KIF1B: variants seen among roughly 807,000 people sequenced by gnomAD.
The protein encoded by KIF1B is kinesin family member 1B, also known as kinesin-like protein KIF1B.
In KIF1B, 76 loss-of-function variants were observed where a neutral mutation model predicts 241.9. The ratio of observed to expected loss-of-function variants is 0.31; its 90% CI spans 0.26 to 0.38. The LOEUF (loss-of-function observed/expected upper bound fraction) is 0.38, where lower values mean the gene tolerates loss of function less well. Ranked by LOEUF, KIF1B falls within the 10% of genes least tolerant of loss-of-function variation. The pLI is 1.00. For synonymous variants in KIF1B, 750 were observed against 796.7 expected (o/e 0.94, Z 0.99); for missense variants, 1,622 against 2,271.4 (o/e 0.71, Z 5.81).
In KIF1B at chr1:10,303,224, T is replaced by G. The variant is rs1412047581; in HGVS notation, c.2115+5978T>G. 1.2e-6 allele frequency: 2 copies of G among 1,614,160 alleles called. No individual in the cohort carries two copies. The highest frequency in any genetic ancestry group is 1.7e-6 in the Non-Finnish European group (2 of 1,180,008). The stretch of plus-strand genomic sequence containing the variant: ...AGGTCGTGTGAAGAGAGCTGGAAAC[T>G]GATTACTTCTCTGAGAGAAAAGCTA... On this transcript the variant is annotated intron_variant, in intron 22 of 48. Transcript: ENST00000676179. This position sits in a 1 kb window ranked among gnomAD's most constrained non-coding sequence, Gnocchi z 5.2.
chr1:10,240,490 G>A (rs1647120967), intron 2 of KIF1B, among the ~76,000 whole-genome samples: 1 of 152,146 alleles, frequency 6.6e-6, no homozygotes, highest in Non-Finnish European at 1.5e-5. Context: ...TTAAAGCCAT[G>A]AGCCACCACA....
At chr1:10,351,465 T>C (rs78067395) in intron 37 of KIF1B, among the ~76,000 whole-genome samples, 4,407 of 152,286 alleles carry the variant, frequency 0.029, 66 homozygotes, top group African/African-American at 0.039. Flanking sequence ...CAACCATATA[T>C]GGAAGGAATT....
chr1:10,303,352 T>C lies in KIF1B; in HGVS notation c.2115+6106T>C. 1 of 1,614,146 alleles carries C rather than the reference T, an allele frequency of 6.2e-7. No homozygotes were observed. The highest frequency in any genetic ancestry group is 8.5e-7 in the Non-Finnish European group (1 of 1,180,008). On this transcript the variant is annotated intron_variant, in intron 22 of 48. Transcript: ENST00000676179. The surrounding 1 kb of genome is among the most constrained non-coding windows in gnomAD (Gnocchi z 5.2). ...GTATCAGATACCCCAAAGAAGGCGC[T>C]TGAGTAAAGATTCCAAGTGGGTCAC...
chr1:10,276,885 A>G (rs1241152342), intron 12 of KIF1B, among the ~76,000 whole-genome samples: 1 of 152,226 alleles, frequency 6.6e-6, no homozygotes, highest in Non-Finnish European at 1.5e-5. Context: ...GTTTGAGACC[A>G]GCCTGGCCAA....
intron 10 of KIF1B, among the ~76,000 whole-genome samples, chr1:10,273,695 TTCC>T (rs559421847): frequency 1.6e-4 from 18 of 110,604 alleles, no homozygotes; most frequent in African/African-American, 7.1e-4. Context: ...CCTACTCCCT[TTCC>T]TCCTCCTCCT....
rs144457296 is a variant in KIF1B at position 10,303,601 on chromosome 1, G to A, written c.2115+6355G>A. On this transcript the variant is annotated intron_variant, in intron 22 of 48. Transcript: ENST00000676179. The surrounding 1 kb of genome is among the most constrained non-coding windows in gnomAD (Gnocchi z 5.2). ...TGTTGGGGATGAGAAGATCGAAGAC[G>A]TCATGGCCACTGGGAAAGGCAGCAC... The A allele has an allele frequency of 1.6e-5, 26 of 1,614,168 alleles. No homozygotes were observed. The highest frequency in any genetic ancestry group is 4.4e-5 in the South Asian group (4 of 91,084).
intron 17 of KIF1B, chr1:10,292,337 G>A (rs9662711): frequency 9.4e-6 from 5 of 532,652 alleles, no homozygotes; most frequent in African/African-American, 3.8e-5. Context: ...GTTTACAAAA[G>A]AAAAAACCTA....
chr1:10,231,378 CTTT>C (rs35213507), intron 1 of KIF1B, among the ~76,000 whole-genome samples: 3 of 85,714 alleles, frequency 3.5e-5, no homozygotes, highest in Admixed American at 1.5e-4. Context: ...GTTCAGTGCC[CTTT>C]TTTTTTTTTT....
intron 38 of KIF1B, among the ~76,000 whole-genome samples, chr1:10,352,969 G>A (rs1652853840): frequency 6.6e-6 from 1 of 152,222 alleles, no homozygotes; most frequent in African/African-American, 2.4e-5. Flanking sequence ...GAGAATGGAA[G>A]TGATCCTGTC....
chr1:10,229,867 C>CAAAAAAAAAAAAAAA (rs58923572), intron 1 of KIF1B, among the ~76,000 whole-genome samples: 3 of 56,474 alleles, frequency 5.3e-5, no homozygotes, highest in African/African-American at 2.8e-4. Flanking sequence ...GACTCCGTCT[C>CAAAAAAAAAAAAAAA]AAAAAAAAAA....
At chr1:10,364,994 A>C in intron 41 of KIF1B, 106 bp from the exon 42 acceptor site, 1 of 995,408 alleles carries the variant, frequency 1.0e-6, no homozygotes, top group South Asian at 1.5e-5. Context: ...CAACAGAGCG[A>C]GACTCCATCT....
At chr1:10,246,837 T>C (rs1304564098) in intron 2 of KIF1B, among the ~76,000 whole-genome samples, 5 of 152,220 alleles carry the variant, frequency 3.3e-5, no homozygotes, top group African/African-American at 1.2e-4. Flanking sequence ...ACTGGTTTCC[T>C]GTCACATTTA....
intron 22 of KIF1B, chr1:10,304,560 C>A (rs1396431333): frequency 1.2e-6 from 2 of 1,613,974 alleles, no homozygotes; most frequent in African/African-American, 2.7e-5. Context: ...ACAAACCCAG[C>A]CACTGTAGCC....
chr1:10,257,104 T>C (rs1647832128), intron 3 of KIF1B, among the ~76,000 whole-genome samples: 1 of 151,340 alleles, frequency 6.6e-6, no homozygotes, highest in Non-Finnish European at 1.5e-5. Flanking sequence ...CACAGAGAAA[T>C]TGTTTTTTTT....
intron 35 of KIF1B, 37 bp downstream of exon 35, chr1:10,345,990 A>G (rs774071820): frequency 1.5e-6 from 2 of 1,332,130 alleles, no homozygotes; most frequent in South Asian, 1.2e-5. Context: ...ATAAGGCAAA[A>G]TGTTTCAAAT....
intron 22 of KIF1B, among the ~76,000 whole-genome samples, chr1:10,298,396 A>G (rs527615247): frequency 2.6e-5 from 4 of 152,244 alleles, no homozygotes; most frequent in Non-Finnish European, 5.9e-5. Context: ...CTCAGTTCTC[A>G]GGCATGGGCA....
At chr1:10,212,913 T>C (rs1557638379) in intron 1 of KIF1B, among the ~76,000 whole-genome samples, 1 of 127,082 alleles carries the variant, frequency 7.9e-6, no homozygotes, top group African/African-American at 3.0e-5. Flanking sequence ...TATATATATA[T>C]ATATATATAT....
At chr1:10,267,647 G>A in intron 6 of KIF1B, 89 bp downstream of exon 6, 2 of 1,266,590 alleles carry the variant, frequency 1.6e-6, no homozygotes, top group Non-Finnish European at 2.3e-6. Flanking sequence ...CACATTTATA[G>A]CTATGAAAGT....
At chr1:10,220,000 C>T (rs980644065) in intron 1 of KIF1B, among the ~76,000 whole-genome samples, 2 of 151,320 alleles carry the variant, frequency 1.3e-5, no homozygotes, top group South Asian at 2.1e-4. Flanking sequence ...GTCAAGAGTT[C>T]GAGACCAGCC....
Sources: allele counts gnomAD v4.1 joint callset (sites outside exome capture counted in the v4.1 genomes callset), GRCh38; gene constraint gnomAD v4.1.1; non-coding constraint Gnocchi (gnomAD v3.1); transcripts MANE v1.5; gene names NCBI Gene and HGNC (gene_info 2026-07-23, HGNC 2026-07-21).